PPL: variants seen among roughly 807,000 people sequenced by gnomAD.
PPL encodes the protein periplakin, also known as 190 kDa paraneoplastic pemphigus antigen.
A neutral mutation model predicts 194.4 loss-of-function variants in PPL; 198 were observed. The observed-to-expected ratio is 1.02, with a 90% CI of 0.91 to 1.15. The LOEUF (loss-of-function observed/expected upper bound fraction) is 1.15, where lower values mean the gene tolerates loss of function less well. PPL is among the 50% of genes most tolerant of loss of function. PPL has a pLI of 0.00. For synonymous variants in PPL, 1,220 were observed against 972.4 expected (o/e 1.25, Z -4.74); for missense variants, 2,885 against 2,294.8 (o/e 1.26, Z -5.25).
Position 4,883,395 on chromosome 16 carries a change from C to G in PPL, c.5260G>C (p.Gly1754Arg), listed in dbSNP as rs35865314. 6.1e-4 allele frequency: 982 copies of G among 1,614,060 alleles called. 8 individuals carry two copies. The African/African-American group carries it at 0.011, about 18-fold the overall frequency. The change falls in exon 22 of 22, where the codon GGG becomes CGG. Residue 1754 changes from glycine (G) to arginine (R), a missense_variant. Physicochemically the swap from Gly to Arg is moderately radical, Grantham distance 125 (BLOSUM62 -2). Coordinates refer to ENST00000345988, the MANE Select transcript of PPL (RefSeq NM_002705.5). The surrounding 1 kb of genome is among the most constrained non-coding windows in gnomAD (Gnocchi z 4.8). ...SIQELAVLVS[G>R]QK ...TGCAAGAGCTGTGCCTACTTCTGCC[C>G]AGATACCAAGACCGCCAGCTCCTGG... is the stretch of plus-strand genomic sequence containing the variant.
chr16:4,896,639 GTTT>G (rs1387761941), intron 9 of PPL, among the ~76,000 whole-genome samples: 4 of 129,700 alleles, frequency 3.1e-5, no homozygotes, highest in African/African-American at 5.8e-5. Context: ...GTACGGGGTT[GTTT>G]TTTTTTTTTT....
intron 1 of PPL, among the ~76,000 whole-genome samples, chr16:4,933,849 A>C (rs149875597): frequency 7.1e-4 from 108 of 152,338 alleles, no homozygotes; most frequent in African/African-American, 2.5e-3. Context: ...CCATGATATC[A>C]AGTTTAACCC....
At position 4,903,920 on chromosome 16, in the gene PPL, T is replaced by G; in HGVS notation, c.283A>C (p.Met95Leu). ...LEADAAIAKH[M>L]KHPQGDMIAE... The stretch of plus-strand genomic sequence containing the variant: ...ATCATGTCCCCCTGTGGGTGCTTCA[T>G]GTGCTTGGCAATGGCCGCATCCGCC... The change falls in exon 3 of 22, where the codon ATG (methionine) becomes CTG (leucine). Residue 95 changes from methionine to leucine, a missense_variant. Met to Leu is a conservative substitution (Grantham distance 15). Coordinates refer to ENST00000345988, the MANE Select transcript of PPL (RefSeq NM_002705.5). 4 of 1,614,104 alleles carry G rather than the reference T, an allele frequency of 2.5e-6. No individual in the cohort carries two copies. Among genetic ancestry groups the G allele is most frequent in the Non-Finnish European group, 3.4e-6 (4 of 1,180,032 alleles).
chr16:4,910,343 A>C (rs1213992287), intron 2 of PPL, among the ~76,000 whole-genome samples: 1 of 152,162 alleles, frequency 6.6e-6, no homozygotes, highest in Non-Finnish European at 1.5e-5. Flanking sequence ...AATCTCATTT[A>C]ATCTTTACAA....
At chr16:4,920,827 T>C (rs759088333) in intron 1 of PPL, among the ~76,000 whole-genome samples, 1 of 152,120 alleles carries the variant, frequency 6.6e-6, no homozygotes, top group Non-Finnish European at 1.5e-5. Context: ...GGTCTTAAAC[T>C]CCTGAGCTCA....
chr16:4,923,264 A>AC (rs1344394049), intron 1 of PPL, among the ~76,000 whole-genome samples: 2 of 152,136 alleles, frequency 1.3e-5, no homozygotes, highest in Non-Finnish European at 2.9e-5. Flanking sequence ...CTCTGGCCTC[A>AC]CCTTGATCAA....
At chr16:4,928,565 G>A (rs1403995452) in intron 1 of PPL, among the ~76,000 whole-genome samples, 2 of 152,242 alleles carry the variant, frequency 1.3e-5, no homozygotes, top group African/African-American at 4.8e-5. Flanking sequence ...CCCACTGCCT[G>A]GGCTAGGATT....
At chr16:4,923,350 G>A (rs865884142) in intron 1 of PPL, among the ~76,000 whole-genome samples, 2 of 152,218 alleles carry the variant, frequency 1.3e-5, no homozygotes, top group African/African-American at 4.8e-5. Flanking sequence ...GCACAGGTAA[G>A]TTTTAGTTTG....
At chr16:4,913,751 G>T (rs924571414) in intron 1 of PPL, among the ~76,000 whole-genome samples, 1 of 152,166 alleles carries the variant, frequency 6.6e-6, no homozygotes, top group African/African-American at 2.4e-5. Context: ...AACCAACTTG[G>T]CCATTGTCAC....
chr16:4,904,707 T>C lies in PPL; in HGVS notation c.163-667A>G, dbSNP rs538202169. 7.2e-5 allele frequency among the ~76,000 whole-genome samples: 11 copies of C among 151,864 alleles called. No individual in the cohort carries two copies. The South Asian group carries it at 8.3e-4, about 11-fold the overall frequency. On this transcript the variant is annotated intron_variant, in intron 2 of 21. Coordinates refer to ENST00000345988, the MANE Select transcript of PPL (RefSeq NM_002705.5). ...GCGGGGGGCGGGGAGGGTGAGCAGC[T>C]AGAACACACAATGGCTGCAAGGAGG... is the stretch of plus-strand genomic sequence containing the variant.
intron 1 of PPL, among the ~76,000 whole-genome samples, chr16:4,921,031 G>C (rs764530439): frequency 6.6e-6 from 1 of 152,224 alleles, no homozygotes; most frequent in South Asian, 2.1e-4. Flanking sequence ...GTCAGGGGCT[G>C]CCTGCTAGAT....
At chr16:4,911,013 A>G in intron 1 of PPL, 64 bp from the exon 2 acceptor site, 2 of 1,328,092 alleles carry the variant, frequency 1.5e-6, no homozygotes, top group Non-Finnish European at 2.1e-6. Context: ...TGTCCCCACC[A>G]GCACCCCATC....
At chr16:4,897,884 G>C (rs905840734) in intron 8 of PPL, 114 bp from the exon 9 acceptor site, 6 of 796,192 alleles carry the variant, frequency 7.5e-6, no homozygotes, top group African/African-American at 6.8e-5. Context: ...TCTGGCATCT[G>C]TCTGGGTGTG....
At chr16:4,896,476 A>G (rs956999663) in intron 9 of PPL, among the ~76,000 whole-genome samples, 2 of 152,192 alleles carry the variant, frequency 1.3e-5, no homozygotes, top group African/African-American at 4.8e-5. Flanking sequence ...GAGAAGCCAG[A>G]CACAAAAGGG....
At chr16:4,900,509 A>G (rs138466377) in intron 6 of PPL, among the ~76,000 whole-genome samples, 3 of 134,318 alleles carry the variant, frequency 2.2e-5, no homozygotes, top group African/African-American at 8.2e-5. Context: ...GCACGATCAC[A>G]GCTCATTGCA....
chr16:4,891,233 G>A (rs1888929761), intron 16 of PPL, among the ~76,000 whole-genome samples: 1 of 152,188 alleles, frequency 6.6e-6, no homozygotes, highest in African/African-American at 2.4e-5. Flanking sequence ...AGATGGGAGT[G>A]TGAATAAGGG....
At chr16:4,935,417 C>T (rs950158255) in intron 1 of PPL, among the ~76,000 whole-genome samples, 1 of 152,092 alleles carries the variant, frequency 6.6e-6, no homozygotes, top group Non-Finnish European at 1.5e-5. Flanking sequence ...GAGGACAGAA[C>T]GGTTCTCCAC....
chr16:4,900,819 G>A lies in PPL; in HGVS notation c.606+11C>T, dbSNP rs1371258612. On this transcript the variant is annotated intron_variant, in intron 6 of 21. Transcript: ENST00000345988. The stretch of plus-strand genomic sequence containing the variant: ...CTCCCCATGAGGCCTTTCCCCCAGG[G>A]AGCTCCTCACCAGCAGTTTCTGGTA... 1 of 1,614,058 alleles carries A rather than the reference G, an allele frequency of 6.2e-7. No homozygotes were observed.
At chr16:4,891,170 C>T (rs1381375810) in intron 16 of PPL, among the ~76,000 whole-genome samples, 3 of 152,318 alleles carry the variant, frequency 2.0e-5, no homozygotes, top group Non-Finnish European at 2.9e-5. Flanking sequence ...GTGCCCTGCG[C>T]GAGAACAGCC....
Sources: gnomAD v4.1 joint callset for allele counts (sites outside exome capture counted in the v4.1 genomes callset) on GRCh38, gnomAD v4.1.1 for gene constraint, Gnocchi (gnomAD v3.1) non-coding constraint, MANE v1.5 for transcripts, NCBI Gene and HGNC (gene_info 2026-07-23, HGNC 2026-07-21) for gene names.